Variants in TNKS observed in about 807,000 individuals in gnomAD.
The protein encoded by TNKS is poly [ADP-ribose] polymerase tankyrase-1.
TNKS carries 72 observed loss-of-function variants against 135.8 expected under a neutral mutation model. The ratio of observed to expected loss-of-function variants is 0.53; its 90% CI spans 0.44 to 0.64. The LOEUF (loss-of-function observed/expected upper bound fraction) is 0.64, where lower values mean the gene tolerates loss of function less well. TNKS is among the 30% of genes least tolerant of loss of function. The pLI, the probability that TNKS is intolerant of heterozygous loss-of-function variation, is 0.00. For synonymous variants in TNKS, 849 were observed against 649.3 expected (o/e 1.31, Z -4.68); for missense variants, 1,769 against 1,674.0 (o/e 1.06, Z -0.99).
At chr8:9,656,129 A>G (rs1234030023) in intron 3 of TNKS, among the ~76,000 whole-genome samples, 1 of 152,228 alleles carries the variant, frequency 6.6e-6, no homozygotes, top group Non-Finnish European at 1.5e-5. Flanking sequence ...GATCAACTGG[A>G]AGAAAGAGTA....
chr8:9,780,165 A>G lies in TNKS; in HGVS notation c.*3429A>G, dbSNP rs1280707543. The stretch of plus-strand genomic sequence containing the variant: ...TTTTTCTGTTTCAGTGTCTCTCCCA[A>G]TGGCACGAAGGGTTATTGGGCATTG... On this transcript the variant is annotated 3_prime_UTR_variant, in exon 27 of 27. Transcript: ENST00000310430. 1.3e-5 allele frequency: 2 copies of G among 152,178 alleles called. No individual in the cohort carries two copies. The highest frequency in any genetic ancestry group is 6.5e-5 in the Admixed American group (1 of 15,280). The allele number at this position is 152,178 out of a possible 1,614,324, so 9.4% of individuals were successfully genotyped here.
At chr8:9,772,712 T>G (rs1255975120) in intron 26 of TNKS, among the ~76,000 whole-genome samples, 1 of 152,018 alleles carries the variant, frequency 6.6e-6, no homozygotes, top group Non-Finnish European at 1.5e-5. Context: ...GCAATATGTC[T>G]ATGCTTAGAA....
intron 11 of TNKS, among the ~76,000 whole-genome samples, chr8:9,717,291 C>A (rs1048497070): frequency 6.6e-6 from 1 of 151,252 alleles, no homozygotes; most frequent in Non-Finnish European, 1.5e-5. Flanking sequence ...AAATTGTGTT[C>A]ATTTGTCTCT....
intron 18 of TNKS, among the ~76,000 whole-genome samples, chr8:9,750,493 C>T (rs1459890061): frequency 6.6e-6 from 1 of 152,150 alleles, no homozygotes; most frequent in Non-Finnish European, 1.5e-5. Flanking sequence ...TACGTTCTAC[C>T]TTCCGTAAGA....
At chr8:9,679,815 C>T (rs1585319198) in intron 3 of TNKS, 136 bp from the exon 4 acceptor site, 1 of 644,402 alleles carries the variant, frequency 1.6e-6, no homozygotes, top group East Asian at 2.7e-5. Flanking sequence ...TGGCTAACGT[C>T]ACGGCTCCAT....
chr8:9,700,379 C>A (rs1032635935), intron 5 of TNKS, among the ~76,000 whole-genome samples: 2 of 152,138 alleles, frequency 1.3e-5, no homozygotes, highest in Non-Finnish European at 2.9e-5. Flanking sequence ...TCATTGCTAT[C>A]CCTAGCACTT....
chr8:9,758,005 T>G (rs1046976869), intron 20 of TNKS, among the ~76,000 whole-genome samples: 7 of 152,232 alleles, frequency 4.6e-5, no homozygotes, highest in Non-Finnish European at 1.0e-4. Flanking sequence ...ATGTCCACCT[T>G]CTAGTCATCC....
chr8:9,599,482 T>C (rs756525947), intron 2 of TNKS, among the ~76,000 whole-genome samples: 1 of 152,216 alleles, frequency 6.6e-6, no homozygotes, highest in Non-Finnish European at 1.5e-5. Context: ...TACTAAGGAT[T>C]GAGCAGTATT....
chr8:9,759,096 G>A (rs1807005539), intron 20 of TNKS, among the ~76,000 whole-genome samples: 1 of 152,154 alleles, frequency 6.6e-6, no homozygotes, highest in African/African-American at 2.4e-5. Flanking sequence ...AAGATGATCT[G>A]CTAGTCACTT....
rs994993327 is a variant in TNKS at position 9,633,399 on chromosome 8, C to T, written c.994+17722C>T. Among the ~76,000 whole-genome samples the T allele has an allele frequency of 9.9e-5, 15 of 152,140 alleles. 1 individual carries two copies. Among genetic ancestry groups the T allele is most frequent in the African/African-American group, 3.4e-4 (14 of 41,422 alleles). On this transcript the variant is annotated intron_variant, in intron 3 of 26. Transcript: ENST00000310430. The stretch of plus-strand genomic sequence containing the variant: ...TTTACATCTGTACAATAGTGAAGTT[C>T]TCTAGAACTACTGATGGATTACTTT...
intron 5 of TNKS, among the ~76,000 whole-genome samples, chr8:9,688,931 G>A (rs925018021): frequency 6.6e-6 from 1 of 151,246 alleles, no homozygotes; most frequent in Non-Finnish European, 1.5e-5. Context: ...GTGAGCCACT[G>A]TTCCCGGCCC....
At chr8:9,721,497 C>A (rs1331232146) in intron 12 of TNKS, among the ~76,000 whole-genome samples, 1 of 151,570 alleles carries the variant, frequency 6.6e-6, no homozygotes, top group East Asian at 1.9e-4. Context: ...TCTTTCCTAA[C>A]CTTTTAATTT....
intron 13 of TNKS, 44 bp from the exon 14 acceptor site, chr8:9,730,846 G>A: frequency 1.9e-6 from 3 of 1,581,866 alleles, no homozygotes; most frequent in Non-Finnish European, 2.6e-6. Context: ...TGAATAAAGA[G>A]TAATGTTCGT....
intron 3 of TNKS, among the ~76,000 whole-genome samples, chr8:9,660,478 G>T (rs1442302553): frequency 6.6e-6 from 1 of 152,072 alleles, no homozygotes; most frequent in Non-Finnish European, 1.5e-5. Flanking sequence ...GAGAACCAAA[G>T]ACAAAAACCA....
intron 3 of TNKS, among the ~76,000 whole-genome samples, chr8:9,660,474 C>G (rs1041327424): frequency 6.6e-6 from 1 of 152,100 alleles, no homozygotes; most frequent in African/African-American, 2.4e-5. Context: ...TAAAGAGAAC[C>G]AAAGACAAAA....
rs182608419 is a variant in TNKS, at chr8:9,781,170, C to T, written c.*4434C>T. On this transcript the variant is annotated 3_prime_UTR_variant, in exon 27 of 27. Coordinates refer to ENST00000310430, the MANE Select transcript of TNKS (RefSeq NM_003747.3). ...AACATTCGCACTGTAGATTGCATTTCGGCTTTTCCTCCTTTCACATTCTTT... is the reference window on the plus strand; with the variant it reads ...AACATTCGCACTGTAGATTGCATTTTGGCTTTTCCTCCTTTCACATTCTTT... The T allele has an allele frequency of 1.2e-4, 18 of 152,290 alleles. No homozygotes were observed. The highest frequency in any genetic ancestry group is 2.1e-4 in the South Asian group (1 of 4,824). The allele number at this position is 152,290 out of a possible 1,614,324, so 9.4% of individuals were successfully genotyped here.
chr8:9,708,386 A>T lies in TNKS; in HGVS notation c.1472A>T (p.His491Leu). The T allele has an allele frequency of 6.2e-7, 1 of 1,605,068 alleles. No homozygotes were observed. Among genetic ancestry groups the T allele is most frequent in the Non-Finnish European group, 8.5e-7 (1 of 1,175,716 alleles). Residue 491 changes from histidine to leucine, a missense_variant, in exon 9 of 27, where the codon CAT becomes CTT. Coordinates refer to ENST00000310430, the MANE Select transcript of TNKS (RefSeq NM_003747.3). The stretch of plus-strand genomic sequence containing the variant: ...TCATTGACAGATGAATTTAAAGGTC[A>T]TTCTTTACTACAAGCAGCCAGAGAA... ...RERLTYEFKG[H>L]SLLQAAREAD... is the part of the protein sequence containing the mutation.
intron 5 of TNKS, among the ~76,000 whole-genome samples, chr8:9,688,198 G>C (rs1429029762): frequency 6.6e-6 from 1 of 152,148 alleles, no homozygotes; most frequent in Non-Finnish European, 1.5e-5. Flanking sequence ...CCTTTGGTTT[G>C]AACAGACTGT....
chr8:9,711,222 C>T lies in TNKS; in HGVS notation c.1749+1002C>T, dbSNP rs779997589. The stretch of plus-strand genomic sequence containing the variant: ...ACTTTTATTTAAGAATAAGGAAATT[C>T]AGATTTACCAATATTGAATACAAAG... On this transcript the variant is annotated intron_variant, in intron 11 of 26. Transcript: ENST00000310430. 2.6e-3 allele frequency among the ~76,000 whole-genome samples: 398 copies of T among 152,174 alleles called. 2 individuals carry two copies. The highest frequency in any genetic ancestry group is 4.7e-3 in the Non-Finnish European group (318 of 68,014).
Sources: gnomAD v4.1 joint callset for allele counts (sites outside exome capture counted in the v4.1 genomes callset) on GRCh38, gnomAD v4.1.1 for gene constraint, MANE v1.5 for transcripts, NCBI Gene and HGNC (gene_info 2026-07-23, HGNC 2026-07-21) for gene names.